The following PRKAG2 variants were observed in gnomAD, a reference collection of about 807,000 sequenced individuals.
PRKAG2 encodes the protein 5'-AMP-activated protein kinase subunit gamma-2.
Under a neutral mutation model 69.6 loss-of-function variants are expected in PRKAG2, and 26 were observed. The observed-to-expected ratio is 0.37, with a 90% CI of 0.27 to 0.52. PRKAG2 has a LOEUF of 0.52. Among genes scored for constraint, PRKAG2 ranks in the 20% least tolerant of loss-of-function variants. The pLI is 0.90. For missense variants in PRKAG2, 557 were observed against 740.0 expected (o/e 0.75, Z 2.87); for synonymous variants, 293 against 285.0 (o/e 1.03, Z -0.28).
rs1169139558 is a variant in PRKAG2, at chr7:151,786,500, C to G, written c.156G>C (p.Leu52=). 2 of 1,612,848 alleles carry G rather than the reference C, an allele frequency of 1.2e-6. No individual in the cohort carries two copies. The highest frequency in any genetic ancestry group is 3.3e-5 in the Admixed American group (2 of 59,890). ...GAGAGGAATGCTTTCCGGAACCCTC[C>G]AGGTCTCCGTCCAGGAGCGGCATGG... ...SFAMPLLDGD[L]EGSGKHSSRK... Residue 52 remains leucine, a synonymous_variant, in exon 2 of 16, where the codon CTG becomes CTC. Transcript: ENST00000287878.
Position 151,783,141 on chromosome 7 carries a change from T to G in PRKAG2, c.187-1710A>C, listed in dbSNP as rs559578029. Among the ~76,000 whole-genome samples, 19 of 152,182 alleles carry G rather than the reference T, an allele frequency of 1.2e-4. No individual in the cohort carries two copies. The East Asian group carries it at 3.7e-3, about 30-fold the overall frequency. ...CCCCGAGCCCGCGGCCCCGGGAGGA[T>G]AGGATGCCCGTGGCGTGGACCCGCG... On this transcript the variant is annotated intron_variant, in intron 2 of 15. Coordinates refer to ENST00000287878, the MANE Select transcript of PRKAG2 (RefSeq NM_016203.4).
chr7:151,776,425 T>C (rs7792110), intron 3 of PRKAG2, among the ~76,000 whole-genome samples: 67,840 of 152,008 alleles, frequency 0.45, 18,830 homozygotes, highest in African/African-American at 0.78. Context: ...ACCAAGGACA[T>C]TGAAGGGCCT....
chr7:151,692,210 A>G (rs6970368), intron 3 of PRKAG2, among the ~76,000 whole-genome samples: 34,034 of 152,042 alleles, frequency 0.22, 4,425 homozygotes, highest in African/African-American at 0.36. Flanking sequence ...AAACAAAAAA[A>G]AATGAAAAAC....
intron 4 of PRKAG2, among the ~76,000 whole-genome samples, chr7:151,672,042 A>G (rs1287148120): frequency 6.8e-6 from 1 of 146,892 alleles, no homozygotes; most frequent in Non-Finnish European, 1.5e-5. Context: ...TTTTTTTGAG[A>G]TGGAGTTTCA....
At chr7:151,733,055 A>C (rs1799214857) in intron 3 of PRKAG2, among the ~76,000 whole-genome samples, 1 of 152,190 alleles carries the variant, frequency 6.6e-6, no homozygotes, top group Non-Finnish European at 1.5e-5. Context: ...TAAGGTTTAG[A>C]CAGGCACAGG....
intron 3 of PRKAG2, among the ~76,000 whole-genome samples, chr7:151,715,175 C>T (rs866695440): frequency 6.7e-5 from 10 of 149,618 alleles, no homozygotes; most frequent in Middle Eastern, 3.4e-3. Context: ...GCCACCATGC[C>T]CAACTAACTT....
chr7:151,736,427 G>A, intron 3 of PRKAG2: 1 of 973,010 alleles, frequency 1.0e-6, no homozygotes, highest in Non-Finnish European at 1.2e-6. Flanking sequence ...AAAAAGGAGG[G>A]AAGACCAGAT....
At chr7:151,631,870 G>A (rs1357384796) in intron 5 of PRKAG2, 199 bp downstream of exon 5, 3 of 515,658 alleles carry the variant, frequency 5.8e-6, no homozygotes, top group Non-Finnish European at 6.9e-6. Flanking sequence ...TCCCCTCCGC[G>A]GACGCCCGGT....
At chr7:151,584,985 C>G (rs189267624) in intron 6 of PRKAG2, among the ~76,000 whole-genome samples, 1 of 152,072 alleles carries the variant, frequency 6.6e-6, no homozygotes, top group Non-Finnish European at 1.5e-5. Context: ...TCTAGCGGGA[C>G]GTCACCTGCC....
At chr7:151,823,974 G>A (rs1352710591) in intron 1 of PRKAG2, among the ~76,000 whole-genome samples, 3 of 152,162 alleles carry the variant, frequency 2.0e-5, no homozygotes, top group Admixed American at 6.5e-5. Flanking sequence ...GTAAAGACGG[G>A]GAAACAGGCA....
rs2076019719 is a variant in PRKAG2 at position 151,771,517 on chromosome 7, C to CT, written c.466+9634_466+9635insA. 6.6e-6 allele frequency among the ~76,000 whole-genome samples: 1 copy of CT among 152,156 alleles called. No individual in the cohort carries two copies. Among genetic ancestry groups the CT allele is most frequent in the African/African-American group, 2.4e-5 (1 of 41,430 alleles). Reference sequence around the variant, plus strand: ...TGGGAGGAATCATTTTGTATGCATGCAGTACACACAATGCCATCTTTCCTA... The same window carrying CT: ...TGGGAGGAATCATTTTGTATGCATGCTAGTACACACAATGCCATCTTTCCTA... On this transcript the variant is annotated intron_variant, in intron 3 of 15. Transcript: ENST00000287878. This position sits in a 1 kb window ranked among gnomAD's most constrained non-coding sequence, Gnocchi z 4.0.
In PRKAG2 at chr7:151,777,264, G is replaced by A. The variant is rs767958656; in HGVS notation, c.466+3888C>T. The stretch of plus-strand genomic sequence containing the variant: ...GAGTCATCCCCAGGCCTGTGCCTGC[G>A]TTCCCTCACTGTGAGCACAGTGTCT... On this transcript the variant is annotated intron_variant, in intron 3 of 15. Coordinates refer to ENST00000287878, the MANE Select transcript of PRKAG2 (RefSeq NM_016203.4). The surrounding 1 kb of genome is among the most constrained non-coding windows in gnomAD (Gnocchi z 4.3). 1.6e-4 allele frequency among the ~76,000 whole-genome samples: 25 copies of A among 152,334 alleles called. No individual in the cohort carries two copies. The highest frequency in any genetic ancestry group is 7.7e-4 in the East Asian group (4 of 5,184).
At chr7:151,773,903 T>C (rs2076206820) in intron 3 of PRKAG2, among the ~76,000 whole-genome samples, 1 of 152,190 alleles carries the variant, frequency 6.6e-6, no homozygotes, top group Non-Finnish European at 1.5e-5. Flanking sequence ...GGGTCTCTGT[T>C]GCACCTGCTC....
At chr7:151,669,389 T>C (rs753979259) in intron 4 of PRKAG2, among the ~76,000 whole-genome samples, 1 of 152,232 alleles carries the variant, frequency 6.6e-6, no homozygotes, top group Non-Finnish European at 1.5e-5. Context: ...ACTAGTTGGC[T>C]GCATTTGATG....
chr7:151,598,480 G>C (rs1815191060), intron 5 of PRKAG2, among the ~76,000 whole-genome samples: 1 of 152,052 alleles, frequency 6.6e-6, no homozygotes, highest in Non-Finnish European at 1.5e-5. Flanking sequence ...ACGTGTTTTA[G>C]GTGACAGATA....
rs59275457 is a variant in PRKAG2 at position 151,729,328 on chromosome 7, G to C, written c.466+51824C>G. ...ACAAACAAGGATGCCGCACCCCTAG[G>C]AGTCTTCTGTTTGGACACATCCAGC... On this transcript the variant is annotated intron_variant, in intron 3 of 15. Coordinates refer to ENST00000287878, the MANE Select transcript of PRKAG2 (RefSeq NM_016203.4). 2.6e-3 allele frequency among the ~76,000 whole-genome samples: 397 copies of C among 151,962 alleles called. 3 individuals carry two copies. Among genetic ancestry groups the C allele is most frequent in the African/African-American group, 9.2e-3 (382 of 41,452 alleles).
chr7:151,692,804 C>A (rs1835891541), intron 3 of PRKAG2, among the ~76,000 whole-genome samples: 1 of 152,156 alleles, frequency 6.6e-6, no homozygotes, highest in African/African-American at 2.4e-5. Flanking sequence ...AAAATAGCAG[C>A]TGAATTCCCT....
At chr7:151,732,391 C>T (rs770336555) in intron 3 of PRKAG2, among the ~76,000 whole-genome samples, 10 of 152,046 alleles carry the variant, frequency 6.6e-5, no homozygotes, top group Admixed American at 1.3e-4. Context: ...CACGTACCTC[C>T]GCCTCCCAAA....
intron 3 of PRKAG2, among the ~76,000 whole-genome samples, chr7:151,732,510 C>A (rs906804329): frequency 6.6e-6 from 1 of 152,176 alleles, no homozygotes; most frequent in African/African-American, 2.4e-5. Context: ...AAACACAAAA[C>A]CCTGAAGCAA....
Sources: gnomAD v4.1 joint callset for allele counts (sites outside exome capture counted in the v4.1 genomes callset) on GRCh38, gnomAD v4.1.1 for gene constraint, Gnocchi (gnomAD v3.1) non-coding constraint, MANE v1.5 for transcripts, NCBI Gene and HGNC (gene_info 2026-07-23, HGNC 2026-07-21) for gene names.